The following AUTS2 variants were observed in gnomAD, a reference collection of about 807,000 sequenced individuals.
The protein encoded by AUTS2 is activator of transcription and developmental regulator AUTS2.
In AUTS2, 17 loss-of-function variants were observed where a neutral mutation model predicts 112.4. That is an observed-to-expected ratio of 0.15 (90% confidence interval 0.10 to 0.23). AUTS2 has a LOEUF of 0.23. Among genes scored for constraint, AUTS2 ranks in the 10% least tolerant of loss-of-function variants. The pLI, the probability that AUTS2 is intolerant of heterozygous loss-of-function variation, is 1.00. For synonymous variants in AUTS2, 751 were observed against 702.7 expected, an observed-to-expected ratio of 1.07 and a Z score of -1.09; for missense variants, 1,510 against 1,701.6, an observed-to-expected ratio of 0.89 and a Z score of 1.98.
At chr7:70,217,298 C>T (rs921505034) in intron 4 of AUTS2, among the ~76,000 whole-genome samples, 1 of 152,142 alleles carries the variant, frequency 6.6e-6, no homozygotes, top group Non-Finnish European at 1.5e-5. Context: ...GTGTTGTATG[C>T]AGTCACTCTC....
At chr7:69,847,535 A>G (rs979622158) in intron 1 of AUTS2, among the ~76,000 whole-genome samples, 5 of 152,162 alleles carry the variant, frequency 3.3e-5, no homozygotes, top group Non-Finnish European at 7.4e-5. Context: ...CTGGGAATCT[A>G]CCTGGCCTTC....
intron 5 of AUTS2, among the ~76,000 whole-genome samples, chr7:70,678,632 C>T (rs1429544709): frequency 6.6e-6 from 1 of 152,172 alleles, no homozygotes; most frequent in African/African-American, 2.4e-5. Flanking sequence ...TCAAATACTA[C>T]TTTTTTTATT....
intron 4 of AUTS2, among the ~76,000 whole-genome samples, chr7:70,176,688 C>T (rs1809004370): frequency 1.3e-5 from 2 of 152,144 alleles, no homozygotes; most frequent in African/African-American, 4.8e-5. Context: ...TATATTTGTT[C>T]CAACAGGCTT....
At chr7:70,629,626 GTGAC>G (rs778941366) in intron 5 of AUTS2, among the ~76,000 whole-genome samples, 83 of 152,280 alleles carry the variant, frequency 5.5e-4, no homozygotes, top group Admixed American at 1.4e-3. Context: ...ATGGCAGCTG[GTGAC>G]TGACGGAGCC....
intron 1 of AUTS2, among the ~76,000 whole-genome samples, chr7:69,894,252 GTTT>G (rs370966756): frequency 5.4e-5 from 2 of 36,740 alleles, no homozygotes; most frequent in Admixed American, 3.6e-4. Context: ...GCCTTAAAGC[GTTT>G]TTTTTTTTTT....
chr7:69,991,794 A>T (rs1368156135), intron 2 of AUTS2, among the ~76,000 whole-genome samples: 6 of 152,214 alleles, frequency 3.9e-5, no homozygotes, highest in Non-Finnish European at 4.4e-5. Context: ...CTGAAGCTGA[A>T]AGATGGGCAG....
chr7:70,680,783 A>G (rs1427837875), intron 5 of AUTS2, among the ~76,000 whole-genome samples: 2 of 152,194 alleles, frequency 1.3e-5, no homozygotes, highest in Non-Finnish European at 2.9e-5. Context: ...CAACAACTGT[A>G]TTTTTACCAG....
intron 2 of AUTS2, among the ~76,000 whole-genome samples, chr7:70,062,238 C>CAGTG (rs1311406350): frequency 6.6e-6 from 1 of 151,816 alleles, no homozygotes; most frequent in Non-Finnish European, 1.5e-5. Flanking sequence ...TGGCAGGGCA[C>CAGTG]AGTGGCTCAT....
At chr7:70,352,886 A>G (rs1791831742) in intron 4 of AUTS2, among the ~76,000 whole-genome samples, 1 of 152,200 alleles carries the variant, frequency 6.6e-6, no homozygotes, top group South Asian at 2.1e-4. Flanking sequence ...GATTTAACCA[A>G]CAAGAATGAC....
intron 4 of AUTS2, among the ~76,000 whole-genome samples, chr7:70,431,605 C>T (rs192610723): frequency 1.5e-4 from 23 of 152,292 alleles, no homozygotes. Flanking sequence ...AGGCTGGTCT[C>T]AAACTCCTGA....
chr7:70,615,869 C>T (rs766559676), intron 5 of AUTS2, among the ~76,000 whole-genome samples: 5 of 152,068 alleles, frequency 3.3e-5, no homozygotes, highest in East Asian at 1.9e-4. Context: ...CTCAGCCTCC[C>T]GAGTAGCTGA....
chr7:70,384,679 T>C (rs557491460), intron 4 of AUTS2, among the ~76,000 whole-genome samples: 134 of 152,216 alleles, frequency 8.8e-4, no homozygotes, highest in African/African-American at 3.0e-3. Flanking sequence ...CAAAAGGAGC[T>C]CCTAGGATTG....
intron 5 of AUTS2, among the ~76,000 whole-genome samples, chr7:70,486,534 G>A (rs945897439): frequency 4.6e-5 from 7 of 152,070 alleles, no homozygotes; most frequent in Non-Finnish European, 7.4e-5. Context: ...TCAGGAGTTC[G>A]AGACCAGCCT....
At chr7:70,262,823 T>C (rs994900413) in intron 4 of AUTS2, among the ~76,000 whole-genome samples, 4 of 152,176 alleles carry the variant, frequency 2.6e-5, no homozygotes, top group Admixed American at 6.5e-5. Context: ...AGAGTCATGA[T>C]GTTAGCCCTT....
chr7:70,742,024 G>A (rs781063646), intron 6 of AUTS2, among the ~76,000 whole-genome samples: 23 of 152,196 alleles, frequency 1.5e-4, no homozygotes, highest in Non-Finnish European at 2.9e-5. Flanking sequence ...CTAAGCAAAC[G>A]TTACATTCAC....
Position 69,785,979 on chromosome 7 carries a change from C to T in AUTS2, c.310-113307C>T, listed in dbSNP as rs539238388. 6.6e-5 allele frequency among the ~76,000 whole-genome samples: 10 copies of T among 152,178 alleles called. No individual in the cohort carries two copies. In the East Asian group the frequency reaches 9.6e-4, roughly 15 times the overall value. On this transcript the variant is annotated intron_variant, in intron 1 of 18. Coordinates refer to ENST00000342771, the MANE Select transcript of AUTS2 (RefSeq NM_015570.4). The stretch of plus-strand genomic sequence containing the variant: ...CCAAGTAGCTGGGATTACAGGTGCC[C>T]GCCACCACGCCCAGCTAATTTTTTT...
chr7:70,015,136 C>T (rs1407991631), intron 2 of AUTS2, among the ~76,000 whole-genome samples: 1 of 152,174 alleles, frequency 6.6e-6, no homozygotes, highest in African/African-American at 2.4e-5. Flanking sequence ...TTCCTGCTCA[C>T]TCTCCTGAAA....
chr7:70,205,278 C>A (rs1445144914), intron 4 of AUTS2, among the ~76,000 whole-genome samples: 1 of 152,082 alleles, frequency 6.6e-6, no homozygotes, highest in African/African-American at 2.4e-5. Flanking sequence ...GAACTCTTAG[C>A]CTCAGGTGAC....
intron 2 of AUTS2, among the ~76,000 whole-genome samples, chr7:70,063,515 C>T (rs1223616667): frequency 2.0e-5 from 3 of 152,178 alleles, no homozygotes; most frequent in Non-Finnish European, 4.4e-5. Context: ...CCTCGGTTTT[C>T]TCACTGGTAA....
Sources: gnomAD v4.1 joint callset for allele counts (sites outside exome capture counted in the v4.1 genomes callset) on GRCh38, gnomAD v4.1.1 for gene constraint, MANE v1.5 for transcripts, NCBI Gene and HGNC (gene_info 2026-07-23, HGNC 2026-07-21) for gene names.